Variants in MAF observed in about 807,000 individuals in gnomAD.
The protein encoded by MAF is MAF bZIP transcription factor.
A neutral mutation model predicts 22.0 loss-of-function variants in MAF; 10 were observed. The observed-to-expected ratio is 0.45, with a 90% CI of 0.28 to 0.77. MAF has a LOEUF of 0.77. Among genes scored for constraint, MAF ranks in the 30% least tolerant of loss-of-function variants. The pLI, the probability that MAF is intolerant of heterozygous loss-of-function variation, is 0.12. For synonymous variants in MAF, 337 were observed against 255.8 expected (o/e 1.32, Z -3.03); for missense variants, 544 against 548.4 (o/e 0.99, Z 0.08).
At chr16:79,270,323 A>G in the MAF span, among the ~76,000 whole-genome samples, 4 of 152,208 alleles carry the variant, frequency 2.6e-5, no homozygotes, top group East Asian at 7.7e-4. Flanking sequence ...TGTGTGTGAT[A>G]TATTTCTTGA....
the MAF span, among the ~76,000 whole-genome samples, chr16:79,356,919 C>T: frequency 1.3e-5 from 2 of 152,134 alleles, no homozygotes; most frequent in Admixed American, 6.5e-5. Flanking sequence ...TTATTACTAT[C>T]TAAGCATTAT....
chr16:79,352,467 T>C, the MAF span, among the ~76,000 whole-genome samples: 14 of 152,132 alleles, frequency 9.2e-5, no homozygotes, highest in Non-Finnish European at 1.9e-4. Context: ...TCTGAACTCC[T>C]CTAAGCCTGA....
the MAF span, among the ~76,000 whole-genome samples, chr16:79,223,776 C>T: frequency 6.6e-6 from 1 of 152,226 alleles, no homozygotes. Context: ...TGGATAAATT[C>T]CTGGACATAT....
chr16:79,503,123 T>A, the MAF span, among the ~76,000 whole-genome samples: 11 of 152,104 alleles, frequency 7.2e-5, no homozygotes, highest in African/African-American at 2.2e-4. Flanking sequence ...GTTTACGGGC[T>A]GGGCACAAGT....
chr16:79,543,909 A>G, the MAF span, among the ~76,000 whole-genome samples: 1 of 151,602 alleles, frequency 6.6e-6, no homozygotes, highest in Admixed American at 6.6e-5. Flanking sequence ...GATGGTCTCC[A>G]TCTCCAGACC....
At chr16:79,527,412 T>C in the MAF span, among the ~76,000 whole-genome samples, 4 of 152,352 alleles carry the variant, frequency 2.6e-5, no homozygotes, top group East Asian at 7.7e-4. Flanking sequence ...TCAGAAGAGC[T>C]AGAAAATACT....
chr16:79,353,939 G>A, the MAF span, among the ~76,000 whole-genome samples: 1 of 152,220 alleles, frequency 6.6e-6, no homozygotes, highest in South Asian at 2.1e-4. Context: ...AGCATGCCAT[G>A]GTCTTCATGG....
At chr16:79,329,293 T>C in the MAF span, among the ~76,000 whole-genome samples, 1 of 152,116 alleles carries the variant, frequency 6.6e-6, no homozygotes, top group Non-Finnish European at 1.5e-5. Flanking sequence ...GAGAAATGGA[T>C]GGTAATAATC....
At chr16:79,234,917 C>T in the MAF span, among the ~76,000 whole-genome samples, 1 of 151,972 alleles carries the variant, frequency 6.6e-6, no homozygotes, top group Non-Finnish European at 1.5e-5. Context: ...CTGGACGCAC[C>T]CTTCTTTACA....
chr16:79,432,562 T>G, the MAF span, among the ~76,000 whole-genome samples: 1 of 152,124 alleles, frequency 6.6e-6, no homozygotes, highest in Non-Finnish European at 1.5e-5. Flanking sequence ...TGTACCACAG[T>G]AACTGAAACA....
At chr16:79,523,320 C>G in the MAF span, among the ~76,000 whole-genome samples, 4 of 152,196 alleles carry the variant, frequency 2.6e-5, no homozygotes, top group East Asian at 7.7e-4. Flanking sequence ...ATTCTTCTCC[C>G]ACTGAAGGGA....
chr16:79,348,555 G>C, the MAF span, among the ~76,000 whole-genome samples: 3 of 152,188 alleles, frequency 2.0e-5, no homozygotes, highest in African/African-American at 4.8e-5. Flanking sequence ...GGTTGAACCT[G>C]AAGGGGAAAA....
chr16:79,600,415 C>T lies in MAF; in HGVS notation c.-513G>A. Reference sequence around the variant, plus strand: ...GCGGCGGGCGTCTGTCCGGGCGGCGCGGGCCTTGGCACGGGGGAGTTAACA... The same window carrying T: ...GCGGCGGGCGTCTGTCCGGGCGGCGTGGGCCTTGGCACGGGGGAGTTAACA... On this transcript the variant is annotated 5_prime_UTR_variant, in exon 1 of 2. Coordinates refer to ENST00000326043, the MANE Select transcript of MAF (RefSeq NM_005360.5). The T allele has an allele frequency of 5.1e-6, 1 of 196,828 alleles. No individual in the cohort carries two copies. The highest frequency in any genetic ancestry group is 1.2e-5 in the Non-Finnish European group (1 of 85,936). 12.2% of individuals were successfully genotyped at this position (196,828 alleles called of 1,614,324 possible). A position where few individuals can be genotyped will look rare whatever the true frequency, so the allele number is the denominator to read the frequency against.
chr16:79,397,656 C>T, the MAF span, among the ~76,000 whole-genome samples: 1 of 152,178 alleles, frequency 6.6e-6, no homozygotes, highest in Admixed American at 6.5e-5. Flanking sequence ...CCAGGGCTTG[C>T]TAGTTCCCTG....
chr16:79,281,087 G>A, the MAF span, among the ~76,000 whole-genome samples: 18 of 152,156 alleles, frequency 1.2e-4, no homozygotes, highest in South Asian at 2.7e-3. Context: ...AGAGGAAGAA[G>A]AGACGAAGAC....
chr16:79,294,967 G>T, the MAF span, among the ~76,000 whole-genome samples: 5 of 152,040 alleles, frequency 3.3e-5, no homozygotes, highest in Non-Finnish European at 7.4e-5. Flanking sequence ...GCAAAGATAG[G>T]CATCGTTCTC....
chr16:79,235,389 G>A, the MAF span, among the ~76,000 whole-genome samples: 6 of 151,640 alleles, frequency 4.0e-5, no homozygotes, highest in African/African-American at 1.5e-4. Context: ...ACCATCCCTA[G>A]AAAAAATAAA....
At chr16:79,275,239 C>T in the MAF span, among the ~76,000 whole-genome samples, 1 of 152,094 alleles carries the variant, frequency 6.6e-6, no homozygotes, top group African/African-American at 2.4e-5. Context: ...GCTTGTAATC[C>T]TAGCTATTCA....
the MAF span, among the ~76,000 whole-genome samples, chr16:79,405,392 A>G: frequency 6.6e-6 from 1 of 152,228 alleles, no homozygotes; most frequent in Admixed American, 6.5e-5. Flanking sequence ...GGACTCCCAG[A>G]AACCTGGAGA....
Sources: allele counts gnomAD v4.1 joint callset (sites outside exome capture counted in the v4.1 genomes callset), GRCh38; gene constraint gnomAD v4.1.1; transcripts MANE v1.5; gene names NCBI Gene and HGNC (gene_info 2026-07-23, HGNC 2026-07-21).